Variants in GLRA2 observed in about 807,000 individuals in gnomAD.
The protein encoded by GLRA2 is glycine receptor subunit alpha-2.
In GLRA2, 11 loss-of-function variants were observed where a neutral mutation model predicts 31.6. That is an observed-to-expected ratio of 0.35 (90% CI 0.22 to 0.58). The LOEUF is 0.58. GLRA2 is among the 20% of genes least tolerant of loss of function. The pLI is 0.84. For missense variants in GLRA2, 212 were observed against 351.8 expected (o/e 0.60, Z 3.18); for synonymous variants, 132 against 134.0 (o/e 0.99, Z 0.10).
chrX:14,490,893 A>G, the GLRA2 span, among the ~76,000 whole-genome samples: 1 of 111,822 alleles, frequency 8.9e-6, no homozygotes, highest in African/African-American at 3.3e-5. Flanking sequence ...CAGCTTCAGC[A>G]CACAGCACAC....
chrX:14,525,984 C>A, upstream of GLRA2, among the ~76,000 whole-genome samples: 3 of 112,098 alleles, frequency 2.7e-5, no homozygotes, highest in South Asian at 1.1e-3. Flanking sequence ...CTGTCCATTG[C>A]AAAGCTTGCT....
At chrX:14,681,442 C>T (rs2147168262) in intron 7 of GLRA2, among the ~76,000 whole-genome samples, 1 of 111,408 alleles carries the variant, frequency 9.0e-6, no homozygotes, top group Non-Finnish European at 1.9e-5. Flanking sequence ...ATGTATTTAT[C>T]CACCAATCCA....
At chrX:14,506,050 C>T in the GLRA2 span, among the ~76,000 whole-genome samples, 1 of 111,503 alleles carries the variant, frequency 9.0e-6, no homozygotes, top group African/African-American at 3.3e-5. Flanking sequence ...CTCTAGCACA[C>T]ACACTATCAG....
At chrX:14,489,100 G>A in the GLRA2 span, among the ~76,000 whole-genome samples, 1 of 112,101 alleles carries the variant, frequency 8.9e-6, no homozygotes, top group South Asian at 3.7e-4. Context: ...ATTTTCAAAT[G>A]TCTGCAAGTG....
chrX:14,562,391 A>T (rs1240300562), intron 2 of GLRA2, among the ~76,000 whole-genome samples: 1 of 111,954 alleles, frequency 8.9e-6, no homozygotes, highest in Non-Finnish European at 1.9e-5. Flanking sequence ...AGCAGCCTAC[A>T]CTCCTAGTAT....
intron 7 of GLRA2, among the ~76,000 whole-genome samples, chrX:14,651,403 T>C (rs754471420): frequency 9.0e-6 from 1 of 111,719 alleles, no homozygotes; most frequent in African/African-American, 3.2e-5. Context: ...ATAATTATTA[T>C]AATATACAGT....
chrX:14,490,099 T>A, the GLRA2 span, among the ~76,000 whole-genome samples: 8 of 111,295 alleles, frequency 7.2e-5, no homozygotes, highest in African/African-American at 2.6e-4. Flanking sequence ...AGTGCCCAGC[T>A]AACCCATCAG....
chrX:14,474,013 C>T, the GLRA2 span, among the ~76,000 whole-genome samples: 15 of 111,078 alleles, frequency 1.4e-4, no homozygotes, highest in Non-Finnish European at 2.5e-4. Context: ...GAGATTGAAG[C>T]AATACAGTAG....
intron 4 of GLRA2, among the ~76,000 whole-genome samples, chrX:14,583,461 G>T (rs923611404): frequency 1.8e-5 from 2 of 112,785 alleles, no homozygotes; most frequent in Non-Finnish European, 3.8e-5. Flanking sequence ...TGTGGCGGCT[G>T]GGCGCCGTGG....
At chrX:14,550,910 T>C (rs2089552877) in intron 2 of GLRA2, among the ~76,000 whole-genome samples, 1 of 111,899 alleles carries the variant, frequency 8.9e-6, no homozygotes. Context: ...TATTCCTCAC[T>C]GCACCCATGC....
the GLRA2 span, among the ~76,000 whole-genome samples, chrX:14,468,071 T>C: frequency 8.9e-6 from 1 of 111,893 alleles, no homozygotes; most frequent in East Asian, 2.8e-4. Context: ...AAATCTTCCC[T>C]GATCTGTTTC....
At chrX:14,488,922 T>C in the GLRA2 span, among the ~76,000 whole-genome samples, 1 of 112,037 alleles carries the variant, frequency 8.9e-6, no homozygotes, top group African/African-American at 3.2e-5. Context: ...TATTCATTCA[T>C]TTTTTTGTGT....
intron 8 of GLRA2, among the ~76,000 whole-genome samples, chrX:14,726,625 C>G (rs1481825410): frequency 8.9e-6 from 1 of 112,262 alleles, no homozygotes; most frequent in Non-Finnish European, 1.9e-5. Flanking sequence ...TATTAAGCCC[C>G]CACAGTTTGC....
At chrX:14,542,570 G>A (rs1601693173) in intron 2 of GLRA2, among the ~76,000 whole-genome samples, 1 of 109,632 alleles carries the variant, frequency 9.1e-6, no homozygotes, top group African/African-American at 3.3e-5. Context: ...AACTGGATGA[G>A]TTGTAATTGT....
At chrX:14,464,776 C>G in the GLRA2 span, among the ~76,000 whole-genome samples, 14 of 111,189 alleles carry the variant, frequency 1.3e-4, no homozygotes, top group Non-Finnish European at 2.3e-4. Context: ...AGGATGGTCT[C>G]GATCTCCTGA....
chrX:14,656,977 G>T (rs1184968060), intron 7 of GLRA2, among the ~76,000 whole-genome samples: 1 of 111,432 alleles, frequency 9.0e-6, no homozygotes, highest in Non-Finnish European at 1.9e-5. Flanking sequence ...CTTGAATGGT[G>T]TAACAGGAAA....
intron 2 of GLRA2, among the ~76,000 whole-genome samples, chrX:14,556,667 C>A (rs182986624): frequency 1.8e-5 from 2 of 112,128 alleles, no homozygotes; most frequent in Admixed American, 9.4e-5. Flanking sequence ...ATAAACTGTT[C>A]ACTTTAAGGT....
At position 14,581,237 on chromosome X, in the gene GLRA2, T is replaced by A; in HGVS notation, c.325T>A (p.Tyr109Asn). 1 of 1,190,638 alleles carries A rather than the reference T, an allele frequency of 8.4e-7. No individual in the cohort carries two copies. The highest frequency in any genetic ancestry group is 1.1e-6 in the Non-Finnish European group (1 of 876,317). ...ACAGTGGAATGATTCACGGCTGGCG[T>A]ACAGTGAGTACCCAGATGACTCCCT... is the stretch of plus-strand genomic sequence containing the variant. Reference protein sequence around the residue: ...RQQWNDSRLAYSEYPDDSLDL... With the variant: ...RQQWNDSRLANSEYPDDSLDL... Residue 109 changes from tyrosine (Y) to asparagine (N), a missense_variant, in exon 4 of 9, where the codon TAC becomes AAC. Coordinates refer to ENST00000218075, the MANE Select transcript of GLRA2 (RefSeq NM_002063.4).
intron 4 of GLRA2, among the ~76,000 whole-genome samples, chrX:14,594,315 T>G (rs1384204755): frequency 9.0e-6 from 1 of 111,527 alleles, no homozygotes; most frequent in African/African-American, 3.3e-5. Context: ...CACTGTACAG[T>G]AACTTTCTCC....
Sources: allele counts gnomAD v4.1 joint callset (sites outside exome capture counted in the v4.1 genomes callset), GRCh38; gene constraint gnomAD v4.1.1; transcripts MANE v1.5; gene names NCBI Gene and HGNC (gene_info 2026-07-23, HGNC 2026-07-21).